Variants in PARD3 observed in about 807,000 individuals in gnomAD.
PARD3 encodes partitioning defective 3 homolog.
In PARD3, 75 loss-of-function variants were observed where a neutral mutation model predicts 155.4. That is an observed-to-expected ratio of 0.48 (90% CI 0.40 to 0.58). PARD3 has a LOEUF of 0.58. PARD3 is among the 20% of genes least tolerant of loss of function. PARD3 has a pLI of 0.00. For synonymous variants in PARD3, 576 were observed against 610.5 expected, an observed-to-expected ratio of 0.94 and a Z score of 0.83; for missense variants, 1,642 against 1,721.7, an observed-to-expected ratio of 0.95 and a Z score of 0.82.
chr10:34,462,555 T>C (rs536480974), intron 4 of PARD3, among the ~76,000 whole-genome samples: 4 of 152,144 alleles, frequency 2.6e-5, no homozygotes, highest in Non-Finnish European at 4.4e-5. Context: ...AATCAAGAAG[T>C]CAAACTGGTG....
At chr10:34,490,579 C>T (rs936738679) in intron 3 of PARD3, among the ~76,000 whole-genome samples, 2 of 152,170 alleles carry the variant, frequency 1.3e-5, no homozygotes, top group African/African-American at 4.8e-5. Flanking sequence ...AGGCATGAGC[C>T]ACCACGCCCA....
intron 2 of PARD3, among the ~76,000 whole-genome samples, chr10:34,575,953 TCTAA>T (rs35937536): frequency 0.055 from 8,338 of 152,104 alleles, 663 homozygotes; most frequent in African/African-American, 0.18. Flanking sequence ...CTCTGTAGGT[TCTAA>T]CTGAGATGCA....
intron 2 of PARD3, among the ~76,000 whole-genome samples, chr10:34,649,065 C>A (rs1275994614): frequency 6.6e-6 from 1 of 152,174 alleles, no homozygotes; most frequent in Non-Finnish European, 1.5e-5. Context: ...TCACAGCTGA[C>A]AGATGACTGT....
At chr10:34,252,619 T>G (rs1225997166) in intron 22 of PARD3, among the ~76,000 whole-genome samples, 1 of 152,110 alleles carries the variant, frequency 6.6e-6, no homozygotes. Flanking sequence ...CCCGACACAG[T>G]GGAGTTTATC....
At chr10:34,655,837 A>G (rs1257910604) in intron 2 of PARD3, among the ~76,000 whole-genome samples, 1 of 152,164 alleles carries the variant, frequency 6.6e-6, no homozygotes, top group African/African-American at 2.4e-5. Context: ...AATTCCACAA[A>G]CAAGCCACAA....
At chr10:34,525,692 AAC>A (rs1488846474) in intron 2 of PARD3, among the ~76,000 whole-genome samples, 1 of 152,116 alleles carries the variant, frequency 6.6e-6, no homozygotes, top group Non-Finnish European at 1.5e-5. Context: ...TTAAATTAAC[AAC>A]ACAGTCTGCA....
chr10:34,351,856 A>ACAC (rs10642145), intron 14 of PARD3, among the ~76,000 whole-genome samples: 5 of 152,246 alleles, frequency 3.3e-5, no homozygotes, highest in African/African-American at 9.7e-5. Context: ...TTGGCCTTGC[A>ACAC]GCCATTAAAG....
chr10:34,806,430 C>G (rs550234414), intron 1 of PARD3, among the ~76,000 whole-genome samples: 2 of 152,220 alleles, frequency 1.3e-5, no homozygotes, highest in Admixed American at 1.3e-4. Flanking sequence ...ACCTCGTGAT[C>G]CACCCACCTC....
At chr10:34,777,836 A>G (rs186565829) in intron 1 of PARD3, among the ~76,000 whole-genome samples, 1 of 152,036 alleles carries the variant, frequency 6.6e-6, no homozygotes, top group African/African-American at 2.4e-5. Flanking sequence ...CCAGCCAAGC[A>G]TTTGTTAATT....
At chr10:34,451,256 AC>A (rs1456251451) in intron 4 of PARD3, among the ~76,000 whole-genome samples, 2 of 152,218 alleles carry the variant, frequency 1.3e-5, no homozygotes, top group Admixed American at 1.3e-4. Flanking sequence ...GCTAGGATAA[AC>A]TAGGGGAGTC....
At chr10:34,687,870 T>TTTTTTC in intron 2 of PARD3, among the ~76,000 whole-genome samples, 1 of 144,352 alleles carries the variant, frequency 6.9e-6, no homozygotes, top group African/African-American at 2.6e-5. Context: ...TTTTTTTTTT[T>TTTTTTC]TTGAGACAGG....
chr10:34,193,702 C>T (rs2049638638), intron 22 of PARD3, among the ~76,000 whole-genome samples: 1 of 152,190 alleles, frequency 6.6e-6, no homozygotes, highest in South Asian at 2.1e-4. Flanking sequence ...GGATTTTCTG[C>T]ACTTCCCTCT....
intron 1 of PARD3, among the ~76,000 whole-genome samples, chr10:34,759,524 A>G (rs1274817239): frequency 6.6e-6 from 1 of 152,348 alleles, no homozygotes; most frequent in East Asian, 1.9e-4. Flanking sequence ...CACCTCAAAC[A>G]TTTCACTGAA....
intron 2 of PARD3, among the ~76,000 whole-genome samples, chr10:34,573,669 T>C (rs945133266): frequency 6.6e-6 from 1 of 151,622 alleles, no homozygotes; most frequent in African/African-American, 2.4e-5. Flanking sequence ...ATCATGCCAC[T>C]GCACTCCAGC....
intron 5 of PARD3, among the ~76,000 whole-genome samples, chr10:34,420,677 C>A (rs1484654592): frequency 6.6e-6 from 1 of 152,076 alleles, no homozygotes; most frequent in Non-Finnish European, 1.5e-5. Context: ...TACAATAATT[C>A]TTGTAGAAAT....
At chr10:34,530,706 A>G (rs1364533359) in intron 2 of PARD3, among the ~76,000 whole-genome samples, 1 of 152,234 alleles carries the variant, frequency 6.6e-6, no homozygotes, top group Non-Finnish European at 1.5e-5. Context: ...CGATATTTCT[A>G]TCACAAGGAA....
At chr10:34,577,715 T>C (rs1208231589) in intron 2 of PARD3, among the ~76,000 whole-genome samples, 2 of 152,240 alleles carry the variant, frequency 1.3e-5, no homozygotes, top group Admixed American at 6.5e-5. Context: ...TACTAGAATA[T>C]GTGTGGAAGT....
chr10:34,382,759 C>CA lies in PARD3; in HGVS notation c.1179dup (p.Val394CysfsTer20). ...ACCGTGTGAAGCCCTGCACTGTTCA[C>CA]ACTCCTGTTGTCAATATACTGGCTG... is the stretch of plus-strand genomic sequence containing the variant. On this transcript the variant is annotated frameshift_variant, in exon 9 of 25. Coordinates refer to ENST00000374788, the MANE Select transcript of PARD3 (RefSeq NM_001184785.2). LOFTEE classifies it high-confidence loss of function. 3.1e-6 allele frequency: 5 copies of CA among 1,614,188 alleles called. No homozygotes were observed. Among genetic ancestry groups the CA allele is most frequent in the Non-Finnish European group, 4.2e-6 (5 of 1,180,030 alleles).
intron 2 of PARD3, among the ~76,000 whole-genome samples, chr10:34,681,740 A>T (rs2093829295): frequency 1.6e-4 from 2 of 12,706 alleles, no homozygotes; most frequent in African/African-American, 7.5e-4. Context: ...TTATATATAT[A>T]TATATATATA....
Sources: allele counts gnomAD v4.1 joint callset (sites outside exome capture counted in the v4.1 genomes callset), GRCh38; gene constraint gnomAD v4.1.1; transcripts MANE v1.5; gene names NCBI Gene and HGNC (gene_info 2026-07-23, HGNC 2026-07-21).